Variants in LINGO2 observed in about 807,000 individuals in gnomAD.
LINGO2 encodes leucine-rich repeat and immunoglobulin-like domain-containing nogo receptor-interacting protein 2.
LINGO2 carries 14 observed loss-of-function variants against 30.6 expected under a neutral mutation model. The observed-to-expected ratio is 0.46, with a 90% CI of 0.30 to 0.72. LINGO2 has a LOEUF of 0.72. Among genes scored for constraint, LINGO2 ranks in the 30% least tolerant of loss-of-function variants. The pLI is 0.07. For synonymous variants in LINGO2, 317 were observed against 288.5 expected, an observed-to-expected ratio of 1.10 and a Z score of -1.00; for missense variants, 729 against 751.7, an observed-to-expected ratio of 0.97 and a Z score of 0.35.
intron 1 of LINGO2, among the ~76,000 whole-genome samples, chr9:28,536,137 T>C (rs565057686): frequency 1.3e-5 from 2 of 152,310 alleles, no homozygotes; most frequent in South Asian, 4.1e-4. Flanking sequence ...TCTAAAATAA[T>C]AGACATCAGA....
At chr9:28,306,897 A>C (rs887193842) in intron 3 of LINGO2, among the ~76,000 whole-genome samples, 2 of 152,220 alleles carry the variant, frequency 1.3e-5, no homozygotes, top group Non-Finnish European at 2.9e-5. Context: ...TGAATCTCTG[A>C]ATAGACCAAT....
the LINGO2 span, among the ~76,000 whole-genome samples, chr9:28,757,522 A>G: frequency 6.6e-6 from 1 of 151,152 alleles, no homozygotes; most frequent in Non-Finnish European, 1.5e-5. Flanking sequence ...TATCTGTAAA[A>G]TGCAAAGTGG....
chr9:29,006,174 T>A, the LINGO2 span, among the ~76,000 whole-genome samples: 4 of 151,700 alleles, frequency 2.6e-5, no homozygotes, highest in Non-Finnish European at 5.9e-5. Context: ...GACAAGTACA[T>A]AATTACACAC....
chr9:29,044,879 GA>G, the LINGO2 span, among the ~76,000 whole-genome samples: 1 of 152,050 alleles, frequency 6.6e-6, no homozygotes. Flanking sequence ...GGCACAGTAA[GA>G]GATTAATAAC....
chr9:28,824,229 TAGCTTGAAGGA>T, the LINGO2 span, among the ~76,000 whole-genome samples: 2 of 152,172 alleles, frequency 1.3e-5, no homozygotes, highest in East Asian at 3.9e-4. Flanking sequence ...GGCAAAACTC[TAGCTTGAAGGA>T]AGTGGATTAT....
chr9:28,949,067 G>A, the LINGO2 span, among the ~76,000 whole-genome samples: 78 of 152,002 alleles, frequency 5.1e-4, 1 homozygote, highest in African/African-American at 1.9e-3. Context: ...TAAGAAATTC[G>A]TGTTTTTAAG....
At chr9:28,992,185 T>C in the LINGO2 span, among the ~76,000 whole-genome samples, 3 of 150,276 alleles carry the variant, frequency 2.0e-5, no homozygotes. Context: ...ACCAAGCAAA[T>C]GGAAAACAAA....
At chr9:28,847,702 A>G in the LINGO2 span, among the ~76,000 whole-genome samples, 4 of 140,572 alleles carry the variant, frequency 2.8e-5, no homozygotes, top group African/African-American at 8.2e-5. Context: ...ACATATTGAC[A>G]CACTGTTATT....
chr9:28,627,199 C>T (rs548907440), intron 1 of LINGO2, among the ~76,000 whole-genome samples: 1 of 152,074 alleles, frequency 6.6e-6, no homozygotes, highest in East Asian at 1.9e-4. Flanking sequence ...TCTGTACTTT[C>T]TACAAGATGT....
At chr9:28,039,949 T>A (rs1824122115) in intron 4 of LINGO2, among the ~76,000 whole-genome samples, 1 of 152,128 alleles carries the variant, frequency 6.6e-6, no homozygotes. Context: ...GAACATTCCA[T>A]CCTCTATACA....
chr9:28,442,669 CA>C (rs540563224), intron 2 of LINGO2, among the ~76,000 whole-genome samples: 208 of 152,164 alleles, frequency 1.4e-3, no homozygotes, highest in Admixed American at 6.4e-3. Flanking sequence ...AAACAGCAAT[CA>C]AGAGTTTACA....
chr9:28,200,672 T>A (rs1820196819), intron 4 of LINGO2, among the ~76,000 whole-genome samples: 1 of 152,176 alleles, frequency 6.6e-6, no homozygotes, highest in South Asian at 2.1e-4. Context: ...AAGTTGAATA[T>A]TTTAATTGTA....
chr9:28,526,298 T>C (rs1821034914), intron 1 of LINGO2, among the ~76,000 whole-genome samples: 1 of 152,022 alleles, frequency 6.6e-6, no homozygotes, highest in South Asian at 2.1e-4. Flanking sequence ...GCCAGAAAAA[T>C]AAACTGCTTT....
At chr9:28,314,917 G>A (rs888115086) in intron 3 of LINGO2, among the ~76,000 whole-genome samples, 15 of 151,430 alleles carry the variant, frequency 9.9e-5, no homozygotes, top group East Asian at 5.9e-4. Context: ...CCCGGGAGGC[G>A]GAGCTTGCAG....
At position 28,627,640 on chromosome 9, in the gene LINGO2, T is replaced by G. The variant is rs374033941; in HGVS notation, c.-365+42560A>C. Among the ~76,000 whole-genome samples, 7 of 152,130 alleles carry G rather than the reference T, an allele frequency of 4.6e-5. No homozygotes were observed. In the East Asian group the frequency reaches 1.3e-3, roughly 29 times the overall value. Reference sequence around the variant, plus strand: ...CAGAAATCAAATGTGTCATATATTTTGACAAGTTTTCTGGCTGTTTAAGGT... The same window carrying G: ...CAGAAATCAAATGTGTCATATATTTGGACAAGTTTTCTGGCTGTTTAAGGT... On this transcript the variant is annotated intron_variant, in intron 1 of 5. Transcript: ENST00000379992.
At chr9:28,504,758 A>G (rs770146660) in intron 1 of LINGO2, among the ~76,000 whole-genome samples, 4 of 151,916 alleles carry the variant, frequency 2.6e-5, no homozygotes, top group Admixed American at 6.6e-5. Flanking sequence ...AGTACCCTAA[A>G]TCAGCTTATA....
At chr9:29,125,432 A>T in the LINGO2 span, among the ~76,000 whole-genome samples, 98 of 151,678 alleles carry the variant, frequency 6.5e-4, no homozygotes, top group African/African-American at 2.3e-3. Flanking sequence ...AAAATTTAAA[A>T]ATATATATAT....
chr9:28,088,369 T>C (rs1361348722), intron 4 of LINGO2, among the ~76,000 whole-genome samples: 1 of 152,062 alleles, frequency 6.6e-6, no homozygotes, highest in African/African-American at 2.4e-5. Flanking sequence ...AAGACTGCTA[T>C]GCCCTTTAGA....
At chr9:29,125,434 T>A in the LINGO2 span, among the ~76,000 whole-genome samples, 14 of 151,752 alleles carry the variant, frequency 9.2e-5, no homozygotes, top group South Asian at 2.1e-4. Flanking sequence ...AATTTAAAAA[T>A]ATATATATAT....
Sources: allele counts gnomAD v4.1 joint callset (sites outside exome capture counted in the v4.1 genomes callset), GRCh38; gene constraint gnomAD v4.1.1; transcripts MANE v1.5; gene names NCBI Gene and HGNC (gene_info 2026-07-23, HGNC 2026-07-21).